NRG3: variants seen among roughly 807,000 people sequenced by gnomAD.
NRG3 encodes the protein pro-neuregulin-3, membrane-bound isoform.
NRG3 carries 31 observed loss-of-function variants against 66.9 expected under a neutral mutation model. That is an observed-to-expected ratio of 0.46 (90% CI 0.35 to 0.63). NRG3 has a LOEUF of 0.63. NRG3 is among the 20% of genes least tolerant of loss of function. The probability of loss-of-function intolerance (pLI) is 0.00; values close to 1 mark genes in which losing one functional copy is unlikely to be tolerated. For missense variants in NRG3, 910 were observed against 878.9 expected (o/e 1.04, Z -0.45); for synonymous variants, 393 against 359.4 (o/e 1.09, Z -1.06).
At chr10:82,259,796 G>T (rs1170166929) in intron 1 of NRG3, among the ~76,000 whole-genome samples, 1 of 152,034 alleles carries the variant, frequency 6.6e-6, no homozygotes, top group African/African-American at 2.4e-5. Context: ...TCCAGGCATG[G>T]TGCTGCACAC....
chr10:82,192,961 A>T (rs2074240401), intron 1 of NRG3, among the ~76,000 whole-genome samples: 1 of 125,518 alleles, frequency 8.0e-6, no homozygotes, highest in African/African-American at 3.1e-5. Flanking sequence ...GGGGTGGAAG[A>T]AGGAAGAAAG....
intron 1 of NRG3, among the ~76,000 whole-genome samples, chr10:82,305,245 T>G (rs2080659094): frequency 6.6e-6 from 1 of 152,150 alleles, no homozygotes; most frequent in Admixed American, 6.6e-5. Flanking sequence ...TCCACCTACC[T>G]TGGCCTCCCA....
intron 2 of NRG3, among the ~76,000 whole-genome samples, chr10:82,382,191 G>A (rs962238613): frequency 6.6e-6 from 1 of 151,978 alleles, no homozygotes; most frequent in African/African-American, 2.4e-5. Flanking sequence ...AAAATTTGCA[G>A]CCCATGGGAT....
intron 1 of NRG3, among the ~76,000 whole-genome samples, chr10:82,347,731 C>G (rs2083125346): frequency 6.6e-6 from 1 of 152,114 alleles, no homozygotes; most frequent in Non-Finnish European, 1.5e-5. Context: ...TCAGGACTTG[C>G]TTTATGAATC....
intron 8 of NRG3, among the ~76,000 whole-genome samples, chr10:82,983,179 T>C (rs2132686550): frequency 6.6e-6 from 1 of 152,308 alleles, no homozygotes; most frequent in African/African-American, 2.4e-5. Flanking sequence ...CCTGGCTACA[T>C]TTTTTGTCTC....
chr10:82,351,084 C>T (rs1485304629), intron 1 of NRG3, among the ~76,000 whole-genome samples: 2 of 151,990 alleles, frequency 1.3e-5, no homozygotes, highest in Admixed American at 1.3e-4. Context: ...TTGGTAGAAA[C>T]GGGGTTTCAC....
intron 2 of NRG3, among the ~76,000 whole-genome samples, chr10:82,372,514 A>G (rs908947381): frequency 3.9e-5 from 6 of 152,348 alleles, no homozygotes; most frequent in African/African-American, 1.4e-4. Flanking sequence ...ATTAATGTAT[A>G]ACTTTTATCT....
At chr10:82,642,709 A>G (rs1161422369) in intron 2 of NRG3, among the ~76,000 whole-genome samples, 1 of 152,070 alleles carries the variant, frequency 6.6e-6, no homozygotes. Flanking sequence ...AAATAAAAAT[A>G]TCAAACAATT....
rs772592063 is a variant in NRG3 at position 82,978,976 on chromosome 10, G to A, written c.1439G>A (p.Gly480Glu). The change falls in exon 8 of 9, where the codon GGG (glycine) becomes GAG (glutamate). Residue 480 changes from glycine to glutamate, a missense_variant. Transcript: ENST00000372141. ...AGTCTATCCTCTTGCTGCAGCCCAG[G>A]GCAAAGAAGTGGCATGCTCCATAGG... ...HRSLSSCCSP[G>E]QRSGMLHRNA... is the part of the protein sequence containing the mutation. 5 of 1,613,900 alleles carry A rather than the reference G, an allele frequency of 3.1e-6. No individual in the cohort carries two copies. In the South Asian group the frequency reaches 4.4e-5, roughly 14 times the overall value.
chr10:82,009,843 C>G (rs2061509846), intron 1 of NRG3, among the ~76,000 whole-genome samples: 1 of 152,160 alleles, frequency 6.6e-6, no homozygotes, highest in South Asian at 2.1e-4. Context: ...ACTGACAGCT[C>G]CTCAGTCAGT....
chr10:82,474,117 T>C (rs1251967445), intron 2 of NRG3, among the ~76,000 whole-genome samples: 1 of 152,064 alleles, frequency 6.6e-6, no homozygotes, highest in African/African-American at 2.4e-5. Context: ...GAATGCCTTC[T>C]TCTGCATGGA....
intron 1 of NRG3, among the ~76,000 whole-genome samples, chr10:82,320,642 A>C (rs1024595056): frequency 1.3e-5 from 2 of 152,160 alleles, no homozygotes; most frequent in Non-Finnish European, 1.5e-5. Context: ...TGGGGTATGT[A>C]CACTAGCCAG....
At chr10:82,501,423 C>T (rs1844178164) in intron 2 of NRG3, among the ~76,000 whole-genome samples, 1 of 152,176 alleles carries the variant, frequency 6.6e-6, no homozygotes, top group South Asian at 2.1e-4. Flanking sequence ...CTGTTACACT[C>T]AGGTCAAAAG....
At chr10:82,136,820 C>T (rs1229761091) in intron 1 of NRG3, among the ~76,000 whole-genome samples, 1 of 152,136 alleles carries the variant, frequency 6.6e-6, no homozygotes, top group East Asian at 1.9e-4. Flanking sequence ...CTGAATTCTG[C>T]CATGTTGCTT....
At chr10:82,804,857 A>G (rs947172468) in intron 3 of NRG3, among the ~76,000 whole-genome samples, 1 of 152,162 alleles carries the variant, frequency 6.6e-6, no homozygotes, top group African/African-American at 2.4e-5. Context: ...TCTCAAATTT[A>G]CCTTCCCTGA....
intron 1 of NRG3, among the ~76,000 whole-genome samples, chr10:82,043,029 A>T (rs2063114754): frequency 6.6e-6 from 1 of 152,046 alleles, no homozygotes; most frequent in Admixed American, 6.6e-5. Flanking sequence ...AGACAGTTTC[A>T]TGCCTGCTCA....
intron 1 of NRG3, among the ~76,000 whole-genome samples, chr10:82,132,977 A>C (rs1429705703): frequency 3.3e-5 from 5 of 151,604 alleles, no homozygotes; most frequent in Non-Finnish European, 5.9e-5. Context: ...AGTTTAGCTA[A>C]AGTTTTGTTG....
chr10:82,216,034 C>T (rs1359946472), intron 1 of NRG3, among the ~76,000 whole-genome samples: 1 of 137,746 alleles, frequency 7.3e-6, no homozygotes, highest in African/African-American at 2.7e-5. Context: ...ATGGCGCGAT[C>T]TCGGCTCACT....
At chr10:82,138,131 C>G (rs903836646) in intron 1 of NRG3, among the ~76,000 whole-genome samples, 1 of 151,928 alleles carries the variant, frequency 6.6e-6, no homozygotes, top group Non-Finnish European at 1.5e-5. Context: ...TATGATTTTC[C>G]TTAATTCAAA....
Sources: allele counts gnomAD v4.1 joint callset (sites outside exome capture counted in the v4.1 genomes callset), GRCh38; gene constraint gnomAD v4.1.1; transcripts MANE v1.5; gene names NCBI Gene and HGNC (gene_info 2026-07-23, HGNC 2026-07-21).